Variants in ANXA4 observed in about 807,000 individuals in gnomAD.
The protein encoded by ANXA4 is 35-beta calcimedin.
ANXA4 carries 39 observed loss-of-function variants against 49.8 expected under a neutral mutation model. That is an observed-to-expected ratio of 0.78 (90% CI 0.61 to 1.02). The LOEUF is 1.02. Among genes scored for constraint, ANXA4 ranks in the 50% least tolerant of loss-of-function variants. ANXA4 has a pLI of 0.00. For synonymous variants in ANXA4, 134 were observed against 152.5 expected (o/e 0.88, Z 0.89); for missense variants, 360 against 410.1 (o/e 0.88, Z 1.05).
intron 9 of ANXA4, chr2:69,818,110 T>C (rs1389745911): frequency 6.9e-6 from 1 of 145,488 alleles, no homozygotes; most frequent in African/African-American, 2.8e-5. Context: ...TCAAAAATAC[T>C]TGGCAAAAAA....
At chr2:69,730,911 G>A (rs185762381) in intron 3 of ANXA4, among the ~76,000 whole-genome samples, 29 of 152,322 alleles carry the variant, frequency 1.9e-4, no homozygotes, top group Middle Eastern at 3.4e-3. Flanking sequence ...CCATCCAGTA[G>A]TGATGACAGG....
intron 1 of ANXA4, among the ~76,000 whole-genome samples, chr2:69,651,695 C>T (rs571947361): frequency 6.6e-6 from 1 of 151,384 alleles, no homozygotes; most frequent in South Asian, 2.1e-4. Context: ...GTAGAGACAG[C>T]GTTTCACCAT....
intron 4 of ANXA4, among the ~76,000 whole-genome samples, chr2:69,805,617 A>G (rs1024682753): frequency 6.6e-5 from 10 of 152,010 alleles, no homozygotes; most frequent in Non-Finnish European, 1.2e-4. Context: ...AAAAAAAAAA[A>G]AAAGAAATTA....
intron 3 of ANXA4, among the ~76,000 whole-genome samples, chr2:69,722,775 T>C (rs1383030278): frequency 6.6e-6 from 1 of 152,004 alleles, no homozygotes; most frequent in Non-Finnish European, 1.5e-5. Context: ...AATTTTATGT[T>C]ATATGTATTT....
At chr2:69,796,962 A>G (rs1411696920) in intron 3 of ANXA4, among the ~76,000 whole-genome samples, 1 of 151,994 alleles carries the variant, frequency 6.6e-6, no homozygotes, top group Non-Finnish European at 1.5e-5. Context: ...ACCTTGGACC[A>G]TTTGCTCTCC....
At chr2:69,739,393 T>G (rs1670326381), upstream of ANXA4, among the ~76,000 whole-genome samples, 1 of 152,022 alleles carries the variant, frequency 6.6e-6, no homozygotes, top group African/African-American at 2.4e-5. Context: ...TAATTTTTTT[T>G]TATTTAAAAA....
chr2:69,646,560 G>A (rs188398972), intron 1 of ANXA4, among the ~76,000 whole-genome samples: 3 of 152,276 alleles, frequency 2.0e-5, no homozygotes, highest in Admixed American at 2.0e-4. Flanking sequence ...CAAAGGGAGT[G>A]GGAAAAGAAA....
intron 1 of ANXA4, among the ~76,000 whole-genome samples, chr2:69,750,206 T>G (rs1403240333): frequency 1.1e-5 from 1 of 87,904 alleles, no homozygotes; most frequent in Non-Finnish European, 2.0e-5. Flanking sequence ...AATGTATAAT[T>G]ATCAGATTTC....
chr2:69,754,667 T>C (rs1670977133), intron 1 of ANXA4, among the ~76,000 whole-genome samples: 2 of 152,216 alleles, frequency 1.3e-5, no homozygotes, highest in Admixed American at 6.5e-5. Context: ...TCCCAGGTGA[T>C]GGTGATGCTG....
chr2:69,823,069 T>C (rs1674314474), intron 12 of ANXA4, among the ~76,000 whole-genome samples: 1 of 149,694 alleles, frequency 6.7e-6, no homozygotes, highest in South Asian at 2.1e-4. Flanking sequence ...TAATATGGTA[T>C]TATAGTATAT....
intron 3 of ANXA4, among the ~76,000 whole-genome samples, chr2:69,724,101 C>T (rs1026841417): frequency 6.6e-6 from 1 of 152,014 alleles, no homozygotes; most frequent in Admixed American, 6.6e-5. Flanking sequence ...GCCCGGGCAA[C>T]AAGAGTGAAA....
At position 69,806,689 on chromosome 2, in the gene ANXA4, G is replaced by C. The variant is rs192489534; in HGVS notation, c.306+191G>C. Among the ~76,000 whole-genome samples, 14 of 152,294 alleles carry C rather than the reference G, an allele frequency of 9.2e-5. 1 individual carries two copies. In the East Asian group the frequency reaches 2.7e-3, roughly 29 times the overall value. ...AAAAGGAACAAGATCATGTCCTCTGGAGGAACATGGATGGAGCTGGAGGTC... is the reference window on the plus strand; with the variant it reads ...AAAAGGAACAAGATCATGTCCTCTGCAGGAACATGGATGGAGCTGGAGGTC... On this transcript the variant is annotated intron_variant, in intron 5 of 12. Transcript: ENST00000394295.
chr2:69,796,134 C>T (rs917479617), intron 3 of ANXA4, among the ~76,000 whole-genome samples: 11 of 152,224 alleles, frequency 7.2e-5, no homozygotes, highest in African/African-American at 2.2e-4. Flanking sequence ...ACCTAGTGAC[C>T]TCCATATCCA....
intron 2 of ANXA4, among the ~76,000 whole-genome samples, chr2:69,702,326 T>C (rs1386318186): frequency 6.6e-6 from 1 of 152,112 alleles, no homozygotes; most frequent in Non-Finnish European, 1.5e-5. Flanking sequence ...TTTTTACTTT[T>C]TATTATGAAA....
At chr2:69,661,373 G>GT (rs1279247026) in intron 2 of ANXA4, among the ~76,000 whole-genome samples, 1 of 152,110 alleles carries the variant, frequency 6.6e-6, no homozygotes, top group Non-Finnish European at 1.5e-5. Context: ...ATTAGGCACA[G>GT]TGGCTCATTC....
chr2:69,651,825 G>C lies in ANXA4; in HGVS notation n.482-1173G>C, dbSNP rs867301444. 8.7e-3 allele frequency among the ~76,000 whole-genome samples: 624 copies of C among 72,100 alleles called. 29 individuals carry two copies. Among genetic ancestry groups the C allele is most frequent in the Non-Finnish European group, 9.3e-3 (321 of 34,364 alleles). The allele number at this position is 72,100 out of a possible 152,430, so 47.3% of individuals were successfully genotyped here. The stretch of plus-strand genomic sequence containing the variant: ...CTTTTTTTTTTTTTTTTTGGGGGGG[G>C]GGGGCGGGGAGACAGAGTCTCACTC... On this transcript the variant is annotated intron_variant and non_coding_transcript_variant, in intron 1 of 3. Transcript: ENST00000418066.
rs61468872 is a variant in ANXA4, at chr2:69,775,961, T to TTTTA, written c.-46-5532_-46-5529dup. ...TTCCAGGCCATTTTATTTATTTTTA[T>TTTTA]TTTATTTATTTATTTATTTATTTAT... On this transcript the variant is annotated intron_variant, in intron 1 of 12. Coordinates refer to ENST00000394295, the MANE Select transcript of ANXA4 (RefSeq NM_001153.5). Among the ~76,000 whole-genome samples the TTTTA allele has an allele frequency of 8.6e-3, 904 of 104,562 alleles. 11 individuals carry two copies. The highest frequency in any genetic ancestry group is 0.019 in the African/African-American group (682 of 36,260). 68.6% of individuals were successfully genotyped at this position (104,562 alleles called of 152,430 possible).
At chr2:69,821,019 T>C (rs1000269866) in intron 12 of ANXA4, among the ~76,000 whole-genome samples, 198 bp downstream of exon 12, 2 of 152,250 alleles carry the variant, frequency 1.3e-5, no homozygotes, top group Non-Finnish European at 2.9e-5. Flanking sequence ...ATTTGCCTTC[T>C]AAATACAGTA....
chr2:69,805,046 C>CAGAA (rs1673382113), intron 4 of ANXA4, among the ~76,000 whole-genome samples: 1 of 35,870 alleles, frequency 2.8e-5, no homozygotes, highest in African/African-American at 7.7e-5. Flanking sequence ...GACTCCATCT[C>CAGAA]AAAAAAAAAA....
Sources: allele counts gnomAD v4.1 joint callset (sites outside exome capture counted in the v4.1 genomes callset), GRCh38; gene constraint gnomAD v4.1.1; transcripts MANE v1.5; gene names NCBI Gene and HGNC (gene_info 2026-07-23, HGNC 2026-07-21).